GALK2: variants seen among roughly 807,000 people sequenced by gnomAD.
The protein encoded by GALK2 is galactokinase 2, also known as N-acetylgalactosamine kinase.
In GALK2, 36 loss-of-function variants were observed where a neutral mutation model predicts 52.4. The ratio of observed to expected loss-of-function variants is 0.69; its 90% CI spans 0.53 to 0.91. The LOEUF (loss-of-function observed/expected upper bound fraction) is 0.91. GALK2 is among the 40% of genes least tolerant of loss of function. GALK2 has a pLI of 0.00. For synonymous variants in GALK2, 176 were observed against 199.1 expected (o/e 0.88, Z 0.98); for missense variants, 579 against 559.1 (o/e 1.04, Z -0.36).
At chr15:49,296,112 T>G (rs1352742113) in intron 8 of GALK2, among the ~76,000 whole-genome samples, 1 of 152,164 alleles carries the variant, frequency 6.6e-6, no homozygotes, top group Non-Finnish European at 1.5e-5. Context: ...TCCAGAACTT[T>G]TATTTATTTT....
At chr15:49,309,806 G>A (rs2035842306) in intron 8 of GALK2, among the ~76,000 whole-genome samples, 1 of 151,904 alleles carries the variant, frequency 6.6e-6, no homozygotes, top group Admixed American at 6.6e-5. Context: ...TTTTAGTAGA[G>A]ACAGGTTTCT....
intron 8 of GALK2, among the ~76,000 whole-genome samples, chr15:49,315,350 T>C (rs2036314265): frequency 6.6e-6 from 1 of 152,200 alleles, no homozygotes; most frequent in Admixed American, 6.5e-5. Flanking sequence ...TAATAATTGC[T>C]CCCAAGGATT....
intron 3 of GALK2, among the ~76,000 whole-genome samples, chr15:49,218,355 C>A (rs556290541): frequency 6.6e-6 from 1 of 152,060 alleles, no homozygotes; most frequent in Non-Finnish European, 1.5e-5. Flanking sequence ...ATTTAAAAAT[C>A]GGTGCATAGT....
intron 1 of GALK2, among the ~76,000 whole-genome samples, chr15:49,197,591 A>C (rs1185357702): frequency 6.6e-6 from 1 of 152,170 alleles, no homozygotes; most frequent in Non-Finnish European, 1.5e-5. Context: ...ACAATATTTT[A>C]AATAATTTTA....
At chr15:49,345,037 T>C (rs1051278991) in intron 3 of GALK2, among the ~76,000 whole-genome samples, 1 of 152,206 alleles carries the variant, frequency 6.6e-6, no homozygotes, top group African/African-American at 2.4e-5. Flanking sequence ...ACTATTTAAT[T>C]TCTTCCTCAG....
chr15:49,310,140 A>G (rs2035872573), intron 8 of GALK2, among the ~76,000 whole-genome samples: 1 of 152,032 alleles, frequency 6.6e-6, no homozygotes, highest in Non-Finnish European at 1.5e-5. Flanking sequence ...TGTGGTTTTT[A>G]ATCTCTCTGT....
intron 3 of GALK2, among the ~76,000 whole-genome samples, chr15:49,361,268 T>G (rs2044190222): frequency 6.6e-6 from 1 of 152,148 alleles, no homozygotes; most frequent in Admixed American, 6.6e-5. Flanking sequence ...TATTTTAGGT[T>G]CAGGGGTACA....
chr15:49,324,509 A>G (rs376577924), intron 9 of GALK2, among the ~76,000 whole-genome samples: 35 of 151,642 alleles, frequency 2.3e-4, no homozygotes, highest in African/African-American at 8.2e-4. Context: ...ACCCAAACCC[A>G]CTGCTCTTCA....
intron 8 of GALK2, among the ~76,000 whole-genome samples, chr15:49,295,629 C>A (rs1255868802): frequency 6.6e-6 from 1 of 152,114 alleles, no homozygotes; most frequent in Non-Finnish European, 1.5e-5. Flanking sequence ...TAAGTTCTGT[C>A]CTGTGTCCCT....
At chr15:49,173,957 G>C (rs1206907835) in intron 1 of GALK2, among the ~76,000 whole-genome samples, 1 of 152,062 alleles carries the variant, frequency 6.6e-6, no homozygotes, top group Non-Finnish European at 1.5e-5. Context: ...TGGCCAGGCT[G>C]GTCTTGAACT....
At position 49,328,364 on chromosome 15, in the gene GALK2, TA is replaced by T; in HGVS notation, c.*207del. On this transcript the variant is annotated 3_prime_UTR_variant, in exon 10 of 10. Transcript: ENST00000560031. ...CCATCTTAAAATATGGTTTTACTATTAAGAGCCAAGATCATGCTTGGACAGA... is the reference window on the plus strand; with the variant it reads ...CCATCTTAAAATATGGTTTTACTATTAGAGCCAAGATCATGCTTGGACAGA... 1 of 1,429,728 alleles carries T rather than the reference TA, an allele frequency of 7.0e-7. No homozygotes were observed. The highest frequency in any genetic ancestry group is 1.6e-5 in the South Asian group (1 of 63,974). 88.6% of individuals were successfully genotyped at this position (1,429,728 alleles called of 1,614,324 possible).
intron 3 of GALK2, chr15:49,223,000 G>A (rs1438776858): frequency 6.6e-6 from 1 of 152,178 alleles, no homozygotes; most frequent in African/African-American, 2.4e-5. Flanking sequence ...TTTCAGTGAA[G>A]CTGTCCAGTC....
chr15:49,216,168 G>A (rs968999983), intron 2 of GALK2, among the ~76,000 whole-genome samples: 8 of 152,138 alleles, frequency 5.3e-5, no homozygotes, highest in Non-Finnish European at 1.0e-4. Context: ...ACTGTGCTAG[G>A]TCACACCTGA....
chr15:49,178,130 T>G (rs2085612082), intron 1 of GALK2, among the ~76,000 whole-genome samples: 1 of 129,832 alleles, frequency 7.7e-6, no homozygotes, highest in South Asian at 2.5e-4. Flanking sequence ...ATTGTGCCAC[T>G]GCACTCCAGC....
rs936411635 is a variant in GALK2 at position 49,330,950 on chromosome 15, G to A, written c.*2791G>A. 6 of 152,224 alleles carry A rather than the reference G, an allele frequency of 3.9e-5. No homozygotes were observed. Among genetic ancestry groups the A allele is most frequent in the Non-Finnish European group, 8.8e-5 (6 of 68,134 alleles). 9.4% of individuals were successfully genotyped at this position (152,224 alleles called of 1,614,324 possible). A position where few individuals can be genotyped will look rare whatever the true frequency, so the allele number is the denominator to read the frequency against. On this transcript the variant is annotated 3_prime_UTR_variant, in exon 10 of 10. Transcript: ENST00000560031. The stretch of plus-strand genomic sequence containing the variant: ...GCCTGGGAGACAGGTGACAGAGTGA[G>A]ACCCTGTTTCAACAACAACAACAAA...
chr15:49,344,373 A>C (rs750904106), intron 3 of GALK2: 3 of 152,182 alleles, frequency 2.0e-5, no homozygotes, highest in Non-Finnish European at 2.9e-5. Context: ...TTTTATAATA[A>C]TTATTTTAAT....
At chr15:49,270,788 C>G (rs2030414184) in intron 5 of GALK2, among the ~76,000 whole-genome samples, 1 of 152,146 alleles carries the variant, frequency 6.6e-6, no homozygotes. Flanking sequence ...TCTGTATGAT[C>G]AGATCCATAT....
intron 2 of GALK2, among the ~76,000 whole-genome samples, chr15:49,203,512 C>G (rs1399666059): frequency 6.6e-6 from 1 of 152,154 alleles, no homozygotes; most frequent in Non-Finnish European, 1.5e-5. Flanking sequence ...CTTTGCTGTG[C>G]AGAAGCTTTT....
At chr15:49,170,540 C>G in intron 1 of GALK2, 165 bp downstream of exon 1, 2 of 642,820 alleles carry the variant, frequency 3.1e-6, no homozygotes, top group African/African-American at 1.8e-5. Context: ...CAAAAAAGAT[C>G]ACGCCGCAAA....
Sources: gnomAD v4.1 joint callset for allele counts (sites outside exome capture counted in the v4.1 genomes callset) on GRCh38, gnomAD v4.1.1 for gene constraint, MANE v1.5 for transcripts, NCBI Gene and HGNC (gene_info 2026-07-23, HGNC 2026-07-21) for gene names.